IBTK: variants seen among roughly 807,000 people sequenced by gnomAD.
IBTK encodes inhibitor of Bruton tyrosine kinase, also known as BTK-binding protein.
In IBTK, 83 loss-of-function variants were observed where a neutral mutation model predicts 154.9. The ratio of observed to expected loss-of-function variants is 0.54; its 90% confidence interval spans 0.45 to 0.64. IBTK has a LOEUF of 0.64. IBTK is among the 30% of genes least tolerant of loss of function. The pLI is 0.00. For missense variants in IBTK, 1,332 were observed against 1,584.6 expected, an observed-to-expected ratio of 0.84 and a Z score of 2.71; for synonymous variants, 515 against 536.1, an observed-to-expected ratio of 0.96 and a Z score of 0.54.
chr6:82,197,295 C>A (rs1036319815), intron 21 of IBTK, among the ~76,000 whole-genome samples: 3 of 151,906 alleles, frequency 2.0e-5, no homozygotes, highest in Non-Finnish European at 4.4e-5. Context: ...CCTTAACAAG[C>A]TAAATGTTTC....
At chr6:82,176,204 C>T (rs916576197) in intron 26 of IBTK, among the ~76,000 whole-genome samples, 3 of 151,756 alleles carry the variant, frequency 2.0e-5, no homozygotes, top group African/African-American at 7.3e-5. Flanking sequence ...ATTTTTTTCT[C>T]ACAAGTAGTT....
chr6:82,219,139 G>A (rs1769979466), intron 9 of IBTK, among the ~76,000 whole-genome samples: 1 of 149,980 alleles, frequency 6.7e-6, no homozygotes, highest in Non-Finnish European at 1.5e-5. Flanking sequence ...CAACTTTTAA[G>A]TTCAGGGGTA....
intron 18 of IBTK, 120 bp downstream of exon 18, chr6:82,202,408 G>C (rs1478016819): frequency 1.5e-6 from 1 of 684,332 alleles, no homozygotes. Context: ...CATCAGCATT[G>C]ATCAAATTCT....
At chr6:82,224,765 G>A (rs1770233224) in intron 6 of IBTK, among the ~76,000 whole-genome samples, 1 of 152,166 alleles carries the variant, frequency 6.6e-6, no homozygotes, top group African/African-American at 2.4e-5. Flanking sequence ...TAAAACTTAA[G>A]TCTCTGAGTT....
rs1769338975 is a variant in IBTK, at chr6:82,204,874, A to G, written c.2594T>C (p.Val865Ala). The G allele has an allele frequency of 6.3e-6, 10 of 1,599,660 alleles. No individual in the cohort carries two copies. The highest frequency in any genetic ancestry group is 2.2e-5 in the East Asian group (1 of 44,562). ...TTACTCACGTTTTTCAGTTAATGCT[A>G]CTTCACAAATCTCTTTCAACCGGGT... ...LITRLKEICE[V>A]ALTEKLTLKN... Residue 865 changes from valine to alanine, a missense_variant, in exon 17 of 29, where the codon GTA (valine) becomes GCA (alanine). Coordinates refer to ENST00000306270, the MANE Select transcript of IBTK (RefSeq NM_015525.4).
chr6:82,176,521 C>CAAAAA (rs749153646), intron 26 of IBTK, among the ~76,000 whole-genome samples: 2 of 61,474 alleles, frequency 3.3e-5, no homozygotes, highest in Non-Finnish European at 6.5e-5. Flanking sequence ...GAGTCCGTCT[C>CAAAAA]AAAAAAAAAA....
At chr6:82,180,005 T>TAGGCAGGGGCTAATTTGTTCACCAC (rs1304544996) in intron 26 of IBTK, among the ~76,000 whole-genome samples, 2 of 152,130 alleles carry the variant, frequency 1.3e-5, no homozygotes, top group Admixed American at 6.5e-5. Context: ...TAGTTCTATA[T>TAGGCAGGGGCTAATTTGTTCACCAC]AGGCAGGGGC....
intron 3 of IBTK, among the ~76,000 whole-genome samples, chr6:82,232,584 T>C (rs1313713230): frequency 2.6e-5 from 4 of 152,230 alleles, no homozygotes; most frequent in Non-Finnish European, 4.4e-5. Flanking sequence ...GAATGTGTCC[T>C]TACTCAGCTT....
intron 24 of IBTK, 50 bp from the exon 25 acceptor site, chr6:82,191,266 T>C (rs768997080): frequency 1.4e-6 from 2 of 1,430,232 alleles, no homozygotes; most frequent in Non-Finnish European, 1.9e-6. Context: ...CAAAGTTTAA[T>C]TCCATGAGAA....
At position 82,231,858 on chromosome 6, in the gene IBTK, GT is replaced by G; in HGVS notation, c.419-17del. ...TCTGTAGGATCTAAAATAAAAATTA[GT>G]TTTTATACTTTTTTATATTTTAAAA... is the stretch of plus-strand genomic sequence containing the variant. On this transcript the variant is annotated splice_polypyrimidine_tract_variant and intron_variant, in intron 3 of 28. Transcript: ENST00000306270. The G allele has an allele frequency of 1.4e-6, 2 of 1,466,280 alleles. No homozygotes were observed. Among genetic ancestry groups the G allele is most frequent in the Non-Finnish European group, 1.9e-6 (2 of 1,076,948 alleles). 90.8% of individuals were successfully genotyped at this position (1,466,280 alleles called of 1,614,324 possible). A position where few individuals can be genotyped will look rare whatever the true frequency, so the allele number is the denominator to read the frequency against.
Position 82,216,143 on chromosome 6 carries a change from C to A in IBTK, c.1534G>T (p.Ala512Ser), listed in dbSNP as rs1198754267. Residue 512 changes from alanine to serine, a missense_variant, in exon 11 of 29, where the codon GCT becomes TCT. Ala to Ser is a moderately conservative substitution (Grantham distance 99). Around this residue, in one of 3 missense-constraint regions of IBTK, gnomAD observed 1,134 missense variants for 1,274.7 expected, o/e 0.89. Transcript: ENST00000306270. ...CTTGGATCTGTGCTGACACTAACAGCTCTATGTGCAAAGGTAAGTTTCTCA... is the reference window on the plus strand; with the variant it reads ...CTTGGATCTGTGCTGACACTAACAGATCTATGTGCAAAGGTAAGTTTCTCA... ...RLEKLTFAHR[A>S]VSVSTDPSGC... 9 of 1,613,582 alleles carry A rather than the reference C, an allele frequency of 5.6e-6. No homozygotes were observed. The highest frequency in any genetic ancestry group is 7.6e-6 in the Non-Finnish European group (9 of 1,179,828).
intron 4 of IBTK, among the ~76,000 whole-genome samples, chr6:82,228,292 T>A (rs1299017289): frequency 6.6e-6 from 1 of 152,126 alleles, no homozygotes; most frequent in African/African-American, 2.4e-5. Flanking sequence ...AAAAAAATTA[T>A]AAGCTAGACA....
intron 18 of IBTK, 78 bp from the exon 19 acceptor site, chr6:82,201,560 T>C: frequency 3.3e-6 from 3 of 916,660 alleles, no homozygotes; most frequent in Non-Finnish European, 5.1e-6. Context: ...TACGTAGATA[T>C]TTCATATTGC....
chr6:82,204,006 A>C (rs1345976465), intron 17 of IBTK, among the ~76,000 whole-genome samples: 1 of 152,202 alleles, frequency 6.6e-6, no homozygotes, highest in Non-Finnish European at 1.5e-5. Context: ...GCAGTAAAGC[A>C]GAACAGATAT....
At chr6:82,223,714 T>C (rs1010444468) in intron 7 of IBTK, 94 bp from the exon 8 acceptor site, 1 of 1,068,934 alleles carries the variant, frequency 9.4e-7, no homozygotes, top group Non-Finnish European at 1.4e-6. Context: ...ATCCCAGCAC[T>C]TGGGGAGGCC....
rs1257334389 is a variant in IBTK at position 82,224,827 on chromosome 6, T to C, written c.826-642A>G. ...TTGATAAATTTCATATTTTTTCTTA[T>C]GGAGGGCCTAAAAAGTGTTTAAGTT... is the stretch of plus-strand genomic sequence containing the variant. On this transcript the variant is annotated intron_variant, in intron 6 of 28. Coordinates refer to ENST00000306270, the MANE Select transcript of IBTK (RefSeq NM_015525.4). Among the ~76,000 whole-genome samples the C allele has an allele frequency of 3.3e-5, 5 of 152,222 alleles. No individual in the cohort carries two copies. The South Asian group carries it at 8.3e-4, about 25-fold the overall frequency.
chr6:82,200,703 T>C lies in IBTK; in HGVS notation c.2796A>G (p.Pro932=). 1 of 1,562,368 alleles carries C rather than the reference T, an allele frequency of 6.4e-7. No homozygotes were observed. The highest frequency in any genetic ancestry group is 8.6e-7 in the Non-Finnish European group (1 of 1,162,630). Residue 932 remains proline (P), a synonymous_variant, in exon 20 of 29, where the codon CCA becomes CCG. Coordinates refer to ENST00000306270, the MANE Select transcript of IBTK (RefSeq NM_015525.4). Reference sequence around the variant, plus strand: ...GTGTAATGACTCTTCTATCCATTGCTGGAATCTGCAGAATTGAAGATATCA... The same window carrying C: ...GTGTAATGACTCTTCTATCCATTGCCGGAATCTGCAGAATTGAAGATATCA... ...DLSEFYRKMI[P]AMDRRVITPY...
intron 1 of IBTK, 98 bp from the exon 2 acceptor site, chr6:82,240,941 T>C: frequency 5.0e-6 from 2 of 397,978 alleles, no homozygotes; most frequent in Admixed American, 8.7e-5. Context: ...TAGATGCCCT[T>C]AACCCATTTA....
At chr6:82,220,197 G>A (rs1287688783) in intron 9 of IBTK, among the ~76,000 whole-genome samples, 5 of 151,998 alleles carry the variant, frequency 3.3e-5, no homozygotes, top group African/African-American at 7.3e-5. Flanking sequence ...CCAATAGAGC[G>A]AGACTGTCTC....
Sources: allele counts gnomAD v4.1 joint callset (sites outside exome capture counted in the v4.1 genomes callset), GRCh38; gene constraint gnomAD v4.1.1; regional missense constraint gnomAD v4.1.1; transcripts MANE v1.5; gene names NCBI Gene and HGNC (gene_info 2026-07-23, HGNC 2026-07-21).